The following NPAS3 variants were observed in gnomAD, a reference collection of about 807,000 sequenced individuals.
NPAS3 encodes the protein neuronal PAS domain-containing protein 3.
A neutral mutation model predicts 73.1 loss-of-function variants in NPAS3; 14 were observed. The observed-to-expected ratio is 0.19, with a 90% CI of 0.13 to 0.30. The LOEUF is 0.30. Ranked by LOEUF, NPAS3 falls within the 10% of genes least tolerant of loss-of-function variation. The pLI is 1.00. For synonymous variants in NPAS3, 620 were observed against 541.5 expected (o/e 1.14, Z -2.01); for missense variants, 1,096 against 1,250.0 (o/e 0.88, Z 1.86).
intron 4 of NPAS3, among the ~76,000 whole-genome samples, chr14:33,394,777 T>C (rs2047151482): frequency 6.6e-6 from 1 of 152,182 alleles, no homozygotes; most frequent in Non-Finnish European, 1.5e-5. Flanking sequence ...CAGCAAACAT[T>C]ATCAAAATCT....
chr14:33,016,542 T>C (rs1295698652), intron 1 of NPAS3, among the ~76,000 whole-genome samples: 1 of 151,340 alleles, frequency 6.6e-6, no homozygotes, highest in Non-Finnish European at 1.5e-5. Context: ...CACACACCAG[T>C]TTTCAGAGTA....
intron 3 of NPAS3, among the ~76,000 whole-genome samples, chr14:33,325,387 AT>A (rs2043651791): frequency 6.6e-6 from 1 of 152,128 alleles, no homozygotes; most frequent in African/African-American, 2.4e-5. Context: ...CACGCCTGTA[AT>A]CCCAATCAAT....
chr14:33,614,719 C>T (rs1184106522), intron 5 of NPAS3, among the ~76,000 whole-genome samples: 1 of 152,150 alleles, frequency 6.6e-6, no homozygotes, highest in African/African-American at 2.4e-5. Flanking sequence ...TTATCTAGTT[C>T]TTCAGCCCCC....
At chr14:33,068,912 G>A (rs1239972900) in intron 2 of NPAS3, among the ~76,000 whole-genome samples, 13 of 152,134 alleles carry the variant, frequency 8.5e-5, no homozygotes, top group Admixed American at 8.5e-4. Flanking sequence ...AGTGGCAGGA[G>A]ACAGGTCAGG....
intron 7 of NPAS3, among the ~76,000 whole-genome samples, chr14:33,764,173 G>A (rs1236801681): frequency 6.6e-6 from 1 of 152,182 alleles, no homozygotes; most frequent in South Asian, 2.1e-4. Flanking sequence ...CTATCCTTCC[G>A]TGAGGCTGCC....
intron 11 of NPAS3, 97 bp from the exon 12 acceptor site, chr14:33,799,637 G>A: frequency 1.5e-6 from 2 of 1,307,858 alleles, no homozygotes; most frequent in Non-Finnish European, 2.1e-6. Context: ...CCCCGCCCCA[G>A]CCCCTGCAGG....
chr14:33,094,517 G>C (rs1390232077), intron 2 of NPAS3, among the ~76,000 whole-genome samples: 2 of 150,800 alleles, frequency 1.3e-5, no homozygotes, highest in Admixed American at 1.3e-4. Flanking sequence ...CCAGGCCAGA[G>C]TGCAGTGGTG....
chr14:33,444,241 G>A (rs892613476), intron 4 of NPAS3, among the ~76,000 whole-genome samples: 2 of 152,172 alleles, frequency 1.3e-5, no homozygotes, highest in South Asian at 2.1e-4. Flanking sequence ...GACCACAGTT[G>A]CAGTGTTACA....
At chr14:33,711,378 T>G (rs1325433793) in intron 6 of NPAS3, among the ~76,000 whole-genome samples, 2 of 152,048 alleles carry the variant, frequency 1.3e-5, no homozygotes, top group Non-Finnish European at 2.9e-5. Flanking sequence ...ATGGCTGAAG[T>G]TGGGGCCTTT....
At chr14:33,439,065 C>T (rs984184136) in intron 4 of NPAS3, among the ~76,000 whole-genome samples, 1 of 151,344 alleles carries the variant, frequency 6.6e-6, no homozygotes, top group African/African-American at 2.4e-5. Flanking sequence ...CAAAGCAATA[C>T]ATAATATTAT....
chr14:33,353,403 T>C (rs17100765), intron 3 of NPAS3, among the ~76,000 whole-genome samples: 71,026 of 152,070 alleles, frequency 0.47, 16,931 homozygotes, highest in Admixed American at 0.51. Context: ...CCAGGAGTTG[T>C]AGGGACTCCA....
At chr14:33,001,103 T>A (rs1194242553) in intron 1 of NPAS3, among the ~76,000 whole-genome samples, 1 of 152,224 alleles carries the variant, frequency 6.6e-6, no homozygotes, top group Non-Finnish European at 1.5e-5. Context: ...AATGGGAATC[T>A]TTGTGTGTGT....
chr14:33,464,578 T>C (rs943954935), intron 4 of NPAS3, among the ~76,000 whole-genome samples: 3 of 152,234 alleles, frequency 2.0e-5, no homozygotes, highest in Non-Finnish European at 4.4e-5. Context: ...CCTGACCCTC[T>C]GATTCCTGGG....
chr14:32,962,260 A>T (rs2036954369), intron 1 of NPAS3, among the ~76,000 whole-genome samples: 1 of 152,190 alleles, frequency 6.6e-6, no homozygotes, highest in Non-Finnish European at 1.5e-5. Flanking sequence ...TAAATTGAAA[A>T]ACGTAAGACT....
chr14:33,279,669 G>A (rs1461131528), intron 3 of NPAS3, among the ~76,000 whole-genome samples: 1 of 152,108 alleles, frequency 6.6e-6, no homozygotes, highest in Non-Finnish European at 1.5e-5. Flanking sequence ...AAAGCATAGG[G>A]GTAGAGAGCT....
At chr14:33,480,535 G>A (rs978340329) in intron 4 of NPAS3, among the ~76,000 whole-genome samples, 2 of 11,878 alleles carry the variant, frequency 1.7e-4, no homozygotes, top group African/African-American at 5.5e-4. Context: ...CCCCCTCCCC[G>A]CCCCGCCCCC....
chr14:33,067,595 A>G (rs1324185023), intron 2 of NPAS3, among the ~76,000 whole-genome samples: 1 of 152,258 alleles, frequency 6.6e-6, no homozygotes, highest in Non-Finnish European at 1.5e-5. Flanking sequence ...AGCATTCCCA[A>G]TTAATCCTCA....
chr14:33,308,527 T>TATATATATATACACACACACACACACAC, intron 3 of NPAS3, among the ~76,000 whole-genome samples: 1 of 103,728 alleles, frequency 9.6e-6, no homozygotes, highest in Non-Finnish European at 1.9e-5. Context: ...TATATATATA[T>TATATATATATACACACACACACACACAC]ACATACACAC....
At position 33,369,915 on chromosome 14, in the gene NPAS3, C is replaced by T. The variant is rs188581059; in HGVS notation, c.468+2647C>T. Among the ~76,000 whole-genome samples, 47 of 152,254 alleles carry T rather than the reference C, an allele frequency of 3.1e-4. No individual in the cohort carries two copies. The East Asian group carries it at 6.8e-3, about 22-fold the overall frequency. The stretch of plus-strand genomic sequence containing the variant: ...TTCAGTAAGGATGAGATGGCTTCTA[C>T]GTTTTGTTTCAGAAGGGTCCATGGG... On this transcript the variant is annotated intron_variant, in intron 4 of 11. Coordinates refer to ENST00000356141, the Ensembl canonical transcript of NPAS3.
Sources: allele counts gnomAD v4.1 joint callset (sites outside exome capture counted in the v4.1 genomes callset), GRCh38; gene constraint gnomAD v4.1.1; transcripts MANE v1.5; gene names NCBI Gene and HGNC (gene_info 2026-07-23, HGNC 2026-07-21).